Variants in DLGAP2 observed in about 807,000 individuals in gnomAD.
DLGAP2 encodes the protein DLG associated protein 2, also known as disks large-associated protein 2.
Under a neutral mutation model 100.3 loss-of-function variants are expected in DLGAP2, and 26 were observed. That is an observed-to-expected ratio of 0.26 (90% CI 0.19 to 0.36). DLGAP2 has a LOEUF of 0.36. Among genes scored for constraint, DLGAP2 ranks in the 10% least tolerant of loss-of-function variants. DLGAP2 has a pLI of 1.00. For synonymous variants in DLGAP2, 886 were observed against 630.1 expected (o/e 1.41, Z -6.08); for missense variants, 1,858 against 1,453.2 (o/e 1.28, Z -4.53).
intron 8 of DLGAP2, among the ~76,000 whole-genome samples, chr8:1,654,648 T>G (rs1798242330): frequency 7.9e-6 from 1 of 126,672 alleles, no homozygotes; most frequent in African/African-American, 2.9e-5. Flanking sequence ...GTGACAAGAG[T>G]GAAACTCCGT....
intron 2 of DLGAP2, among the ~76,000 whole-genome samples, chr8:1,172,924 G>GTTCT (rs1797161210): frequency 6.6e-6 from 1 of 152,170 alleles, no homozygotes; most frequent in Admixed American, 6.5e-5. Context: ...TTGCTGGTGA[G>GTTCT]GAACTGTGAT....
chr8:1,160,028 G>C (rs1415295898), intron 2 of DLGAP2, among the ~76,000 whole-genome samples: 1 of 152,312 alleles, frequency 6.6e-6, no homozygotes, highest in African/African-American at 2.4e-5. Flanking sequence ...CACGCTGTTT[G>C]TGATGACCGT....
chr8:1,604,122 T>C (rs575444218), intron 6 of DLGAP2, among the ~76,000 whole-genome samples: 3 of 152,332 alleles, frequency 2.0e-5, no homozygotes, highest in Non-Finnish European at 4.4e-5. Context: ...TTCTTCATTT[T>C]GTGGACACTG....
chr8:743,842 G>A (rs973894547), intron 1 of DLGAP2, among the ~76,000 whole-genome samples: 1 of 152,236 alleles, frequency 6.6e-6, no homozygotes, highest in Non-Finnish European at 1.5e-5. Flanking sequence ...TGCGATTGTG[G>A]GCATGGGCCA....
intron 2 of DLGAP2, among the ~76,000 whole-genome samples, chr8:1,005,413 T>TTTG (rs1554464114): frequency 4.8e-5 from 7 of 144,350 alleles, no homozygotes; most frequent in South Asian, 2.2e-4. Context: ...TTGTTTTTTT[T>TTTG]TTTTTTTTTT....
intron 2 of DLGAP2, among the ~76,000 whole-genome samples, chr8:909,003 A>C (rs1048159340): frequency 3.3e-5 from 5 of 152,230 alleles, no homozygotes; most frequent in Non-Finnish European, 7.3e-5. Flanking sequence ...TGTATTATAC[A>C]TTCCAGAGTA....
intron 3 of DLGAP2, among the ~76,000 whole-genome samples, chr8:1,322,530 C>A (rs537724089): frequency 6.6e-6 from 1 of 151,596 alleles, no homozygotes; most frequent in Non-Finnish European, 1.5e-5. Flanking sequence ...GAAATGCATG[C>A]ACCCACCCAG....
intron 2 of DLGAP2, among the ~76,000 whole-genome samples, chr8:1,174,107 G>T (rs2116685080): frequency 6.6e-6 from 1 of 152,298 alleles, no homozygotes; most frequent in Non-Finnish European, 1.5e-5. Context: ...CAGTGACAGA[G>T]GGCTCAGGGC....
At chr8:1,679,814 T>A (rs548621525) in intron 12 of DLGAP2, among the ~76,000 whole-genome samples, 6 of 152,030 alleles carry the variant, frequency 3.9e-5, no homozygotes, top group African/African-American at 1.4e-4. Context: ...AAGCCCCATA[T>A]CTGCCAAAAA....
chr8:1,203,330 G>A lies in DLGAP2; in HGVS notation c.74-55521G>A, dbSNP rs932628545. On this transcript the variant is annotated intron_variant, in intron 2 of 14. Coordinates refer to ENST00000637795, the MANE Select transcript of DLGAP2 (RefSeq NM_001346810.2). ...TGAGACTGGCGTGTCCTTCGGTGAC[G>A]AGGCCACCCACCCCTCGGTGTTAGA... 4.3e-4 allele frequency among the ~76,000 whole-genome samples: 64 copies of A among 149,132 alleles called. 1 individual carries two copies. The highest frequency in any genetic ancestry group is 3.5e-3 in the Middle Eastern group (1 of 284).
intron 3 of DLGAP2, among the ~76,000 whole-genome samples, chr8:1,382,980 T>G (rs1313894260): frequency 6.6e-6 from 1 of 152,206 alleles, no homozygotes; most frequent in Admixed American, 6.5e-5. Context: ...CTTACTATGT[T>G]AATTAATCAG....
At chr8:1,306,306 A>C (rs1332792065) in intron 3 of DLGAP2, among the ~76,000 whole-genome samples, 1 of 152,168 alleles carries the variant, frequency 6.6e-6, no homozygotes, top group East Asian at 1.9e-4. Flanking sequence ...AGAATGAACA[A>C]TTTAAAAAGG....
intron 3 of DLGAP2, chr8:1,368,846 A>G (rs1421484841): frequency 2.6e-5 from 4 of 152,162 alleles, no homozygotes; most frequent in Non-Finnish European, 5.9e-5. Flanking sequence ...GGAACCATCT[A>G]TTCCTGATGC....
chr8:1,045,298 A>T (rs1453723155), intron 2 of DLGAP2, among the ~76,000 whole-genome samples: 1 of 152,238 alleles, frequency 6.6e-6, no homozygotes, highest in Non-Finnish European at 1.5e-5. Flanking sequence ...GTGAGTGTAT[A>T]TAAAGCACTT....
At chr8:1,371,661 G>C (rs1802240608) in intron 3 of DLGAP2, among the ~76,000 whole-genome samples, 1 of 152,184 alleles carries the variant, frequency 6.6e-6, no homozygotes, top group Non-Finnish European at 1.5e-5. Context: ...TGAAATTTGA[G>C]GTGAATAAAT....
At chr8:1,659,377 G>A (rs1187442363) in intron 8 of DLGAP2, among the ~76,000 whole-genome samples, 26 of 152,132 alleles carry the variant, frequency 1.7e-4, no homozygotes, top group Admixed American at 1.7e-3. Flanking sequence ...CCAGAGCTGA[G>A]TTCAAGTCCT....
chr8:1,631,007 G>T (rs1158686078), intron 7 of DLGAP2, among the ~76,000 whole-genome samples: 1 of 149,898 alleles, frequency 6.7e-6, no homozygotes, highest in African/African-American at 2.4e-5. Flanking sequence ...GGTCTCGGCG[G>T]GAGGTCCGGG....
At chr8:894,585 C>T (rs570078540) in intron 1 of DLGAP2, among the ~76,000 whole-genome samples, 3 of 100,398 alleles carry the variant, frequency 3.0e-5, no homozygotes, top group South Asian at 4.2e-4. Flanking sequence ...TGTATGGAGG[C>T]GGAGCAGGGG....
chr8:912,157 C>T (rs914661965), intron 2 of DLGAP2, among the ~76,000 whole-genome samples: 5 of 152,128 alleles, frequency 3.3e-5, no homozygotes, highest in Admixed American at 2.6e-4. Flanking sequence ...AATATGGCAG[C>T]AGTAATTACC....
Sources: allele counts gnomAD v4.1 joint callset (sites outside exome capture counted in the v4.1 genomes callset), GRCh38; gene constraint gnomAD v4.1.1; transcripts MANE v1.5; gene names NCBI Gene and HGNC (gene_info 2026-07-23, HGNC 2026-07-21).